ADAM23: variants seen among roughly 807,000 people sequenced by gnomAD.
The protein encoded by ADAM23 is ADAM metallopeptidase domain 23, also known as disintegrin and metalloproteinase domain-containing protein 23.
A neutral mutation model predicts 120.1 loss-of-function variants in ADAM23; 33 were observed. The ratio of observed to expected loss-of-function variants is 0.27; its 90% CI spans 0.21 to 0.37. The LOEUF is 0.37. Ranked by LOEUF, ADAM23 falls within the 10% of genes least tolerant of loss-of-function variation. The pLI, the probability that ADAM23 is intolerant of heterozygous loss-of-function variation, is 1.00. For missense variants in ADAM23, 862 were observed against 1,058.2 expected (o/e 0.81, Z 2.57); for synonymous variants, 367 against 375.2 (o/e 0.98, Z 0.25).
At chr2:206,521,946 C>CTTT (rs1696851982) in intron 3 of ADAM23, among the ~76,000 whole-genome samples, 1 of 152,074 alleles carries the variant, frequency 6.6e-6, no homozygotes, top group South Asian at 2.1e-4. Flanking sequence ...TGGGGGAAAA[C>CTTT]GATCTCTTTC....
At chr2:206,565,600 A>C (rs1346293521) in intron 14 of ADAM23, among the ~76,000 whole-genome samples, 5 of 152,134 alleles carry the variant, frequency 3.3e-5, no homozygotes, top group African/African-American at 1.2e-4. Context: ...ATACTTTGGG[A>C]ACTAGAGCAG....
chr2:206,508,966 T>C (rs1696564404), intron 3 of ADAM23, among the ~76,000 whole-genome samples: 1 of 152,212 alleles, frequency 6.6e-6, no homozygotes, highest in South Asian at 2.1e-4. Flanking sequence ...AATGGCAGCT[T>C]GTCATGATGA....
At chr2:206,543,094 G>A (rs1345667529) in intron 5 of ADAM23, among the ~76,000 whole-genome samples, 159 bp from the exon 6 acceptor site, 1 of 152,166 alleles carries the variant, frequency 6.6e-6, no homozygotes, top group Non-Finnish European at 1.5e-5. Flanking sequence ...GCCACACTGG[G>A]ACTCCATGCA....
intron 19 of ADAM23, 41 bp from the exon 20 acceptor site, chr2:206,588,050 A>G (rs1439249733): frequency 1.2e-6 from 2 of 1,609,206 alleles, no homozygotes; most frequent in Admixed American, 3.3e-5. Context: ...GGGGAAGACA[A>G]ACTGACTCTG....
intron 3 of ADAM23, 123 bp from the exon 4 acceptor site, chr2:206,530,762 A>T (rs1697042457): frequency 9.6e-6 from 4 of 417,222 alleles, no homozygotes; most frequent in Admixed American, 3.9e-5. Context: ...TTGTTTCTGT[A>T]CTAACCATGG....
At chr2:206,599,016 C>G (rs1427084771) in intron 24 of ADAM23, among the ~76,000 whole-genome samples, 3 of 151,974 alleles carry the variant, frequency 2.0e-5, no homozygotes, top group Non-Finnish European at 4.4e-5. Context: ...ACCAGCCTGG[C>G]CAACATGGTG....
At chr2:206,520,645 TTGCCG>T (rs1696823811) in intron 3 of ADAM23, among the ~76,000 whole-genome samples, 1 of 152,192 alleles carries the variant, frequency 6.6e-6, no homozygotes, top group African/African-American at 2.4e-5. Flanking sequence ...TGCTGGTCTC[TTGCCG>T]TTCTCTCCTG....
intron 3 of ADAM23, among the ~76,000 whole-genome samples, chr2:206,517,636 A>G (rs1024611227): frequency 1.3e-5 from 2 of 151,526 alleles, no homozygotes; most frequent in African/African-American, 2.4e-5. Context: ...CAGAATTTTG[A>G]CTCTGCTAGA....
Position 206,443,710 on chromosome 2 carries a change from C to A in ADAM23, c.-157C>A. The A allele has an allele frequency of 4.9e-6, 1 of 202,686 alleles. No homozygotes were observed. Among genetic ancestry groups the A allele is most frequent in the Non-Finnish European group, 8.6e-6 (1 of 116,168 alleles). The allele number at this position is 202,686 out of a possible 1,614,324, so 12.6% of individuals were successfully genotyped here. A position where few individuals can be genotyped will look rare whatever the true frequency, so the allele number is the denominator to read the frequency against. The stretch of plus-strand genomic sequence containing the variant: ...AGCCGGGAAAGGGGGCGCCGCCCAG[C>A]CCCGAGCCCCGCGCCCCGTGCCCCG... On this transcript the variant is annotated 5_prime_UTR_variant, in exon 1 of 26. Transcript: ENST00000264377.
At chr2:206,511,858 TA>T (rs1476654853) in intron 3 of ADAM23, among the ~76,000 whole-genome samples, 1 of 152,168 alleles carries the variant, frequency 6.6e-6, no homozygotes, top group African/African-American at 2.4e-5. Context: ...GGAATCCAAA[TA>T]AGGAAAAATT....
Position 206,468,507 on chromosome 2 carries a change from G to T in ADAM23, c.433-12725G>T, listed in dbSNP as rs116251365. 6.4e-3 allele frequency among the ~76,000 whole-genome samples: 981 copies of T among 152,240 alleles called. 20 individuals carry two copies. Among genetic ancestry groups the T allele is most frequent in the African/African-American group, 0.022 (912 of 41,546 alleles). On this transcript the variant is annotated intron_variant, in intron 2 of 25. Coordinates refer to ENST00000264377, the MANE Select transcript of ADAM23 (RefSeq NM_003812.4). ...TGACCTTTGCTATAGTTCCCAATAA[G>T]TTCCTCTTCTCCATCTGAGACCTCA...
At chr2:206,481,126 T>C (rs938964298) in intron 2 of ADAM23, 106 bp from the exon 3 acceptor site, 8 of 755,276 alleles carry the variant, frequency 1.1e-5, no homozygotes, top group Non-Finnish European at 1.4e-5. Context: ...CATAAGGAAA[T>C]GAACTGATAC....
At chr2:206,476,522 T>C (rs1695778978) in intron 2 of ADAM23, among the ~76,000 whole-genome samples, 1 of 152,074 alleles carries the variant, frequency 6.6e-6, no homozygotes, top group African/African-American at 2.4e-5. Context: ...ATGACCCCTA[T>C]TGTGAACTGC....
At chr2:206,592,125 T>C (rs1340299913) in intron 21 of ADAM23, among the ~76,000 whole-genome samples, 3 of 152,204 alleles carry the variant, frequency 2.0e-5, no homozygotes, top group South Asian at 2.1e-4. Context: ...TTTGTCCTTA[T>C]GCTTTGTGAA....
At chr2:206,473,572 A>ACATAATAATAATAAT (rs1553548000) in intron 2 of ADAM23, among the ~76,000 whole-genome samples, 2 of 147,168 alleles carry the variant, frequency 1.4e-5, no homozygotes, top group Non-Finnish European at 3.0e-5. Context: ...CCCATCTCTA[A>ACATAATAATAATAAT]AATAATAATA....
chr2:206,449,254 C>G (rs1473871984), intron 2 of ADAM23, among the ~76,000 whole-genome samples: 3 of 152,096 alleles, frequency 2.0e-5, no homozygotes, highest in African/African-American at 7.2e-5. Flanking sequence ...TTATCAAGAT[C>G]GATCGTTTTC....
chr2:206,558,433 A>G (rs1302176809), intron 10 of ADAM23, among the ~76,000 whole-genome samples: 2 of 152,212 alleles, frequency 1.3e-5, no homozygotes, highest in Non-Finnish European at 2.9e-5. Flanking sequence ...TAAGCAGTCC[A>G]CAAACCTCCA....
chr2:206,522,095 A>G lies in ADAM23; in HGVS notation c.510-8790A>G, dbSNP rs1361093617. On this transcript the variant is annotated intron_variant, in intron 3 of 25. Coordinates refer to ENST00000264377, the MANE Select transcript of ADAM23 (RefSeq NM_003812.4). ...AATTCTTCATGTTTATTTAAATCCA[A>G]GTTTATTCATAGGTTATATATATGT... 2.0e-5 allele frequency among the ~76,000 whole-genome samples: 3 copies of G among 151,790 alleles called. No homozygotes were observed. The East Asian group carries it at 5.8e-4, about 29-fold the overall frequency.
chr2:206,538,094 A>G (rs1487461374), intron 4 of ADAM23, among the ~76,000 whole-genome samples: 1 of 152,164 alleles, frequency 6.6e-6, no homozygotes, highest in East Asian at 1.9e-4. Context: ...TGAATAGTAT[A>G]ATTTATGTGA....
Sources: gnomAD v4.1 joint callset for allele counts (sites outside exome capture counted in the v4.1 genomes callset) on GRCh38, gnomAD v4.1.1 for gene constraint, MANE v1.5 for transcripts, NCBI Gene and HGNC (gene_info 2026-07-23, HGNC 2026-07-21) for gene names.